The following SPINK13 variants were observed in gnomAD, a reference collection of about 807,000 sequenced individuals.
The protein encoded by SPINK13 is serine protease inhibitor Kazal-type 13.
SPINK13 carries 11 observed loss-of-function variants against 11.0 expected under a neutral mutation model. That is an observed-to-expected ratio of 1.00 (90% CI 0.63 to 1.65). SPINK13 has a LOEUF of 1.65. Among genes scored for constraint, SPINK13 ranks in the 40% most tolerant of loss-of-function variants. The probability of loss-of-function intolerance (pLI) is 0.00; values close to 1 mark genes in which losing one functional copy is unlikely to be tolerated. For missense variants in SPINK13, 113 were observed against 117.7 expected (o/e 0.96, Z 0.19); for synonymous variants, 31 against 35.6 (o/e 0.87, Z 0.46).
Position 148,286,008 on chromosome 5 carries a change from A to T in SPINK13, c.245A>T (p.His82Leu), listed in dbSNP as rs762021318. 1.4e-6 allele frequency: 2 copies of T among 1,459,008 alleles called. No homozygotes were observed. The highest frequency in any genetic ancestry group is 4.0e-5 in the Admixed American group (2 of 50,616). 90.4% of individuals were successfully genotyped at this position (1,459,008 alleles called of 1,614,324 possible). A position where few individuals can be genotyped will look rare whatever the true frequency, so the allele number is the denominator to read the frequency against. The change falls in exon 5 of 5, where the codon CAT becomes CTT. Residue 82 changes from histidine (H) to leucine (L), a missense_variant. His to Leu is a moderately conservative substitution (Grantham distance 99). Coordinates refer to ENST00000398450, the MANE Select transcript of SPINK13 (RefSeq NM_001040129.3). ...CFFCVEQREF[H>L]YRIKFEKYGK... The stretch of plus-strand genomic sequence containing the variant: ...TTTTCTCTTCTCTTTAGGGAATTTC[A>T]TTATCGTATAAAATTTGAAAAATAT...
intron 3 of SPINK13, among the ~76,000 whole-genome samples, chr5:148,279,035 T>C (rs980071420): frequency 2.0e-5 from 3 of 151,870 alleles, no homozygotes; most frequent in African/African-American, 7.3e-5. Flanking sequence ...CTTTGTCTCT[T>C]GTGATCTTTG....
intron 3 of SPINK13, among the ~76,000 whole-genome samples, chr5:148,275,911 T>C (rs1405225575): frequency 2.6e-5 from 4 of 152,116 alleles, no homozygotes; most frequent in Non-Finnish European, 4.4e-5. Flanking sequence ...TCTGCCCGCC[T>C]CCGCCTCCCA....
chr5:148,274,283 G>T, intron 2 of SPINK13, 64 bp from the exon 3 acceptor site: 2 of 1,155,822 alleles, frequency 1.7e-6, no homozygotes, highest in East Asian at 2.4e-5. Flanking sequence ...GACTTCAGTA[G>T]GTGATGTTAT....
intron 3 of SPINK13, among the ~76,000 whole-genome samples, chr5:148,276,307 C>T (rs1228537068): frequency 6.6e-6 from 1 of 152,186 alleles, no homozygotes; most frequent in African/African-American, 2.4e-5. Context: ...AATCAGATCC[C>T]ATTTGTCAAT....
intron 2 of SPINK13, among the ~76,000 whole-genome samples, chr5:148,273,293 T>TAA (rs143646300): frequency 6.6e-5 from 10 of 150,912 alleles, no homozygotes; most frequent in African/African-American, 2.2e-4. Flanking sequence ...CATTTTTAAG[T>TAA]AAAAAAAAAT....
intron 3 of SPINK13, among the ~76,000 whole-genome samples, chr5:148,280,500 C>T (rs968316954): frequency 6.6e-6 from 1 of 152,138 alleles, no homozygotes; most frequent in Non-Finnish European, 1.5e-5. Context: ...GATGTTGATA[C>T]TATTGCTTTC....
chr5:148,276,631 G>A (rs952749199), intron 3 of SPINK13, among the ~76,000 whole-genome samples: 1 of 152,054 alleles, frequency 6.6e-6, no homozygotes, highest in Non-Finnish European at 1.5e-5. Flanking sequence ...TATTTCTGAG[G>A]CCTCTGTTCT....
At chr5:148,280,303 T>A (rs959349813) in intron 3 of SPINK13, among the ~76,000 whole-genome samples, 6 of 152,160 alleles carry the variant, frequency 3.9e-5, no homozygotes, top group Non-Finnish European at 8.8e-5. Context: ...TCAAACTCAT[T>A]CTCCATCTAG....
intron 3 of SPINK13, among the ~76,000 whole-genome samples, chr5:148,276,044 A>T (rs1481236272): frequency 1.3e-5 from 2 of 152,112 alleles, no homozygotes; most frequent in Non-Finnish European, 2.9e-5. Context: ...TTCTCTGATG[A>T]CCAGTGATGA....
At chr5:148,270,878 C>G (rs1026030724) in intron 2 of SPINK13, 1 of 152,142 alleles carries the variant, frequency 6.6e-6, no homozygotes, top group Non-Finnish European at 1.5e-5. Context: ...GGCCATGGGC[C>G]GAGGAACTCA....
Position 148,270,108 on chromosome 5 carries a change from G to A in SPINK13, c.36G>A (p.Leu12=). The A allele has an allele frequency of 6.2e-7, 1 of 1,614,002 alleles. No individual in the cohort carries two copies. Among genetic ancestry groups the A allele is most frequent in the Admixed American group, 1.7e-5 (1 of 60,018 alleles). ...TTCCCCACAAGATTATATTTTTCCT[G>A]GTATGCTCTACTTTGACACATGTGG... ...AAFPHKIIFF[L]VCSTLTHVAF... The change falls in exon 2 of 5, where the codon CTG becomes CTA. Residue 12 remains leucine, a synonymous_variant. Coordinates refer to ENST00000398450, the MANE Select transcript of SPINK13 (RefSeq NM_001040129.3).
At chr5:148,270,476 TA>T (rs1345240971) in intron 2 of SPINK13, among the ~76,000 whole-genome samples, 1 of 151,840 alleles carries the variant, frequency 6.6e-6, no homozygotes, top group African/African-American at 2.4e-5. Context: ...TCAAATATGA[TA>T]AATGATATGA....
At chr5:148,284,474 AT>A (rs1177409802) in intron 4 of SPINK13, among the ~76,000 whole-genome samples, 1 of 152,240 alleles carries the variant, frequency 6.6e-6, no homozygotes. Context: ...ATTGTAGCCA[AT>A]AGGAGCACAG....
chr5:148,278,922 A>G (rs1756471667), intron 3 of SPINK13, among the ~76,000 whole-genome samples: 2 of 152,170 alleles, frequency 1.3e-5, no homozygotes, highest in Admixed American at 1.3e-4. Flanking sequence ...GTCTCTAAGA[A>G]CTTGCTTTAT....
At position 148,286,014 on chromosome 5, in the gene SPINK13, G is replaced by A. The variant is rs774110403; in HGVS notation, c.251G>A (p.Arg84His). ...FCVEQREFHY[R>H]IKFEKYGKCD Reference sequence around the variant, plus strand: ...CTTCTCTTTAGGGAATTTCATTATCGTATAAAATTTGAAAAATATGGAAAA... The same window carrying A: ...CTTCTCTTTAGGGAATTTCATTATCATATAAAATTTGAAAAATATGGAAAA... The change falls in exon 5 of 5, where the codon CGT becomes CAT. Residue 84 changes from arginine to histidine, a missense_variant. By Grantham distance (29) the Arg-to-His change is conservative. Transcript: ENST00000398450. The A allele has an allele frequency of 1.8e-5, 26 of 1,463,416 alleles. No homozygotes were observed. Among genetic ancestry groups the A allele is most frequent in the South Asian group, 7.5e-5 (6 of 79,976 alleles). The allele number at this position is 1,463,416 out of a possible 1,614,324, so 90.7% of individuals were successfully genotyped here. A position where few individuals can be genotyped will look rare whatever the true frequency, so the allele number is the denominator to read the frequency against.
intron 4 of SPINK13, among the ~76,000 whole-genome samples, chr5:148,283,545 T>A (rs1290792551): frequency 6.6e-6 from 1 of 152,220 alleles, no homozygotes; most frequent in Non-Finnish European, 1.5e-5. Flanking sequence ...TCAATGAGGA[T>A]TATTCCATTT....
chr5:148,274,478 T>C (rs937839374), intron 3 of SPINK13, 94 bp downstream of exon 3: 2 of 1,015,732 alleles, frequency 2.0e-6, no homozygotes, highest in Non-Finnish European at 3.0e-6. Flanking sequence ...TCAGGCACAG[T>C]GGCTCATGCC....
At chr5:148,269,422 G>C (rs1295291961) in intron 1 of SPINK13, among the ~76,000 whole-genome samples, 1 of 151,862 alleles carries the variant, frequency 6.6e-6, no homozygotes, top group Non-Finnish European at 1.5e-5. Context: ...TCTTGCATCA[G>C]GGAAGGTATA....
chr5:148,280,596 G>A (rs1266548140), intron 3 of SPINK13, among the ~76,000 whole-genome samples: 1 of 152,148 alleles, frequency 6.6e-6, no homozygotes, highest in Non-Finnish European at 1.5e-5. Flanking sequence ...CCCCTGTCTG[G>A]TTATCACCAG....
Sources: gnomAD v4.1 joint callset for allele counts (sites outside exome capture counted in the v4.1 genomes callset) on GRCh38, gnomAD v4.1.1 for gene constraint, MANE v1.5 for transcripts, NCBI Gene and HGNC (gene_info 2026-07-23, HGNC 2026-07-21) for gene names.